The following SPTBN2 variants were observed in gnomAD, a reference collection of about 807,000 sequenced individuals.
SPTBN2 encodes spectrin beta, non-erythrocytic 2.
Under a neutral mutation model 284.2 loss-of-function variants are expected in SPTBN2, and 107 were observed. The ratio of observed to expected loss-of-function variants is 0.38; its 90% CI spans 0.32 to 0.44. The LOEUF is 0.44. SPTBN2 is among the 20% of genes least tolerant of loss of function. SPTBN2 has a pLI of 1.00. For synonymous variants in SPTBN2, 1,289 were observed against 1,354.8 expected (o/e 0.95, Z 1.07); for missense variants, 2,569 against 3,287.1 (o/e 0.78, Z 5.34).
At position 66,687,373 on chromosome 11, in the gene SPTBN2, G is replaced by C. The variant is rs781281313; in HGVS notation, c.6722+54C>G. On this transcript the variant is annotated intron_variant, in intron 35 of 37. Coordinates refer to ENST00000533211, the MANE Select transcript of SPTBN2 (RefSeq NM_006946.4). The surrounding 1 kb of genome is among the most constrained non-coding windows in gnomAD (Gnocchi z 5.2). ...CTAAAGGGCATCCCTCCCTCTATCT[G>C]GGCAGAGGCTCTGGGGAAGTGCCCT... 3.6e-4 allele frequency: 579 copies of C among 1,587,822 alleles called. 9 individuals carry two copies. The Middle Eastern group carries it at 0.022, about 61-fold the overall frequency.
chr11:66,734,754 C>A (rs1942840715), intron 1 of SPTBN2, among the ~76,000 whole-genome samples: 1 of 152,138 alleles, frequency 6.6e-6, no homozygotes, highest in African/African-American at 2.4e-5. Flanking sequence ...GCAGAGCAAA[C>A]ATATAGATAT....
Position 66,701,084 on chromosome 11 carries a change from C to T in SPTBN2, c.3015G>A (p.Glu1005=). Residue 1005 remains glutamate, a synonymous_variant, in exon 17 of 38, where the codon GAG becomes GAA. Coordinates refer to ENST00000533211, the MANE Select transcript of SPTBN2 (RefSeq NM_006946.4). ...GGGCGGCGATGGCCTCCAGGTCCCGCTCCGTGCCGGCCAGCTTGCGCTGCA... is the reference window on the plus strand; with the variant it reads ...GGGCGGCGATGGCCTCCAGGTCCCGTTCCGTGCCGGCCAGCTTGCGCTGCA... ...LALQRKLAGT[E]RDLEAIAARV... 3.7e-6 allele frequency: 6 copies of T among 1,612,278 alleles called. No individual in the cohort carries two copies. The highest frequency in any genetic ancestry group is 5.1e-6 in the Non-Finnish European group (6 of 1,180,012).
chr11:66,698,507 A>T (rs1008952589), intron 20 of SPTBN2, 132 bp downstream of exon 20: 26 of 1,375,150 alleles, frequency 1.9e-5, no homozygotes, highest in African/African-American at 4.3e-5. Context: ...AGAGGCCATA[A>T]CTTTCCACCA....
chr11:66,699,329 C>T, intron 18 of SPTBN2, 77 bp downstream of exon 18: 3 of 1,566,116 alleles, frequency 1.9e-6, no homozygotes, highest in Non-Finnish European at 2.6e-6. Context: ...TTTCCTGTGC[C>T]ACGTTTATCT....
Position 66,688,702 on chromosome 11 carries a change from G to A in SPTBN2, c.6182C>T (p.Ser2061Leu). 1 of 1,613,958 alleles carries A rather than the reference G, an allele frequency of 6.2e-7. No homozygotes were observed. Among genetic ancestry groups the A allele is most frequent in the Non-Finnish European group, 8.5e-7 (1 of 1,180,032 alleles). Residue 2061 changes from serine (S) to leucine (L), a missense_variant, in exon 31 of 38, where the codon TCA becomes TTA. Ser to Leu is a moderately radical substitution (Grantham distance 145). Transcript: ENST00000533211. ...LIKRHEAFQK[S>L]AVAWEERFCA... The stretch of plus-strand genomic sequence containing the variant: ...GAATCGCTCCTCCCAGGCCACTGCT[G>A]ACTTCTGGAAGGCCTCGTGCCGCTT...
Position 66,687,858 on chromosome 11 carries a change from G to A in SPTBN2, c.6501+10C>T. 6.2e-7 allele frequency: 1 copy of A among 1,614,102 alleles called. No homozygotes were observed. Among genetic ancestry groups the A allele is most frequent in the Non-Finnish European group, 8.5e-7 (1 of 1,179,992 alleles). ...ACAGTTATCAACACCACACTTGCAG[G>A]GGAACTCACCGGCCCTTCGGGGAAG... is the stretch of plus-strand genomic sequence containing the variant. On this transcript the variant is annotated intron_variant, in intron 34 of 37. Coordinates refer to ENST00000533211, the MANE Select transcript of SPTBN2 (RefSeq NM_006946.4). This position sits in a 1 kb window ranked among gnomAD's most constrained non-coding sequence, Gnocchi z 5.2.
At position 66,699,950 on chromosome 11, in the gene SPTBN2, CCTT is replaced by C. The variant is rs368794372; in HGVS notation, c.3574-345_3574-343del. 7.4e-3 allele frequency among the ~76,000 whole-genome samples: 1,119 copies of C among 152,032 alleles called. 13 individuals carry two copies. The highest frequency in any genetic ancestry group is 0.026 in the African/African-American group (1,064 of 41,448). ...TCACGTCTTTTTCATTCTCATTTTT[CCTT>C]CTTTTTTCTTTTTCTTTTTTTTGAG... is the stretch of plus-strand genomic sequence containing the variant. On this transcript the variant is annotated intron_variant, in intron 17 of 37. Transcript: ENST00000533211.
intron 15 of SPTBN2, among the ~76,000 whole-genome samples, chr11:66,704,109 A>G (rs944305782): frequency 6.6e-6 from 1 of 151,156 alleles, no homozygotes; most frequent in African/African-American, 2.4e-5. Context: ...AGTAGCTGGG[A>G]CTACAGGCGC....
Position 66,693,275 on chromosome 11 carries a change from G to A in SPTBN2, c.4765C>T (p.Arg1589Ter), listed in dbSNP as rs1354273281. 3 of 1,613,900 alleles carry A rather than the reference G, an allele frequency of 1.9e-6. No individual in the cohort carries two copies. Among genetic ancestry groups the A allele is most frequent in the Middle Eastern group, 1.6e-4 (1 of 6,062 alleles). ...GCATCGCGGTAGAACTGCTGGGCTC[G>A]CAGGGCATCCTCCAGTCGCTTCCCT... is the stretch of plus-strand genomic sequence containing the variant. ...LRGKRLEDAL[R>*]AQQFYRDAAE... is the part of the protein sequence containing the mutation. The change falls in exon 24 of 38, where the codon CGA (arginine) becomes TGA (stop). Residue 1589 changes from arginine to a stop codon, truncating the protein, a stop_gained. Transcript: ENST00000533211. LOFTEE classifies it high-confidence loss of function. The surrounding 1 kb of genome is among the most constrained non-coding windows in gnomAD (Gnocchi z 5.7).
chr11:66,689,201 T>G (rs961463313), intron 29 of SPTBN2, 21 bp from the exon 30 acceptor site: 10 of 1,593,528 alleles, frequency 6.3e-6, no homozygotes, highest in Middle Eastern at 1.7e-4. Context: ...GGGGCAGAGA[T>G]ATGAGTTAGC....
In SPTBN2 at chr11:66,701,290, C is replaced by A. The variant is rs142540439; in HGVS notation, c.2817-8G>T. 4.3e-6 allele frequency: 7 copies of A among 1,611,358 alleles called. No homozygotes were observed. In the Admixed American group the frequency reaches 5.0e-5, roughly 12 times the overall value. ...CGCCGAAACTGCTGCCACCTGAGAG[C>A]AGGGGGAAGGTTCAGCTTCCTGCCC... On this transcript the variant is annotated splice_region_variant and splice_polypyrimidine_tract_variant and intron_variant, in intron 16 of 37. Transcript: ENST00000533211.
upstream of SPTBN2, among the ~76,000 whole-genome samples, chr11:66,732,986 A>G (rs1942824589): frequency 9.2e-5 from 14 of 151,740 alleles, no homozygotes; most frequent in Admixed American, 9.2e-4. Flanking sequence ...CCAACCAAAA[A>G]AAAAAAAAAA....
At position 66,684,626 on chromosome 11, in the gene SPTBN2, C is replaced by T. The variant is rs369992919; in HGVS notation, c.*1245G>A. The stretch of plus-strand genomic sequence containing the variant: ...GTCCAGCTTGGCTGACAGAGTGAGA[C>T]TCTGTCTCAAAAAAAAAAAAAAAAA... On this transcript the variant is annotated 3_prime_UTR_variant, in exon 38 of 38. Transcript: ENST00000533211. Among the ~76,000 whole-genome samples, 5 of 145,204 alleles carry T rather than the reference C, an allele frequency of 3.4e-5. No homozygotes were observed. The highest frequency in any genetic ancestry group is 1.3e-4 in the African/African-American group (5 of 38,634).
In SPTBN2 at chr11:66,708,127, G is replaced by A. The variant is rs1392193401; in HGVS notation, c.1350+14C>T. 1 of 1,613,180 alleles carries A rather than the reference G, an allele frequency of 6.2e-7. No individual in the cohort carries two copies. The highest frequency in any genetic ancestry group is 8.5e-7 in the Non-Finnish European group (1 of 1,179,878). ...TCTGACCAGCCTAAGCATCCTAGGA[G>A]CCTCAAGTCCTACCTGGGACACGAG... On this transcript the variant is annotated intron_variant, in intron 12 of 37. Transcript: ENST00000533211. This position sits in a 1 kb window ranked among gnomAD's most constrained non-coding sequence, Gnocchi z 4.4.
intron 16 of SPTBN2, 141 bp from the exon 17 acceptor site, chr11:66,701,423 C>G: frequency 3.4e-6 from 5 of 1,478,240 alleles, no homozygotes; most frequent in South Asian, 1.2e-5. Context: ...TTGACCCCCT[C>G]TCTCATCTCT....
intron 1 of SPTBN2, among the ~76,000 whole-genome samples, chr11:66,738,677 G>A (rs1410323728): frequency 1.3e-5 from 2 of 152,006 alleles, no homozygotes; most frequent in Non-Finnish European, 2.9e-5. Context: ...CACCACGCCC[G>A]GCTAATTTTT....
intron 1 of SPTBN2, among the ~76,000 whole-genome samples, chr11:66,735,365 A>AG (rs1483262429): frequency 4.6e-5 from 7 of 151,854 alleles, no homozygotes; most frequent in Non-Finnish European, 1.0e-4. Context: ...ATTAAGGAGA[A>AG]GGGGGCTGGG....
At chr11:66,711,192 A>G (rs1941841785) in intron 8 of SPTBN2, among the ~76,000 whole-genome samples, 163 bp from the exon 9 acceptor site, 1 of 152,146 alleles carries the variant, frequency 6.6e-6, no homozygotes, top group Non-Finnish European at 1.5e-5. Context: ...AGGGCACCAA[A>G]AAGCTCATCT....
chr11:66,727,337 T>G (rs1009808115), intron 1 of SPTBN2, among the ~76,000 whole-genome samples: 3 of 152,174 alleles, frequency 2.0e-5, no homozygotes, highest in African/African-American at 7.2e-5. Flanking sequence ...GTTGGAACTG[T>G]GGCTGCTCCG....
Sources: allele counts gnomAD v4.1 joint callset (sites outside exome capture counted in the v4.1 genomes callset), GRCh38; gene constraint gnomAD v4.1.1; non-coding constraint Gnocchi (gnomAD v3.1); transcripts MANE v1.5; gene names NCBI Gene and HGNC (gene_info 2026-07-23, HGNC 2026-07-21).